Variants in PRKACB observed in about 807,000 individuals in gnomAD.
The protein encoded by PRKACB is cAMP-dependent protein kinase catalytic subunit beta.
Under a neutral mutation model 51.4 loss-of-function variants are expected in PRKACB, and 16 were observed. The ratio of observed to expected loss-of-function variants is 0.31; its 90% CI spans 0.21 to 0.47. The LOEUF is 0.47. Ranked by LOEUF, PRKACB falls within the 20% of genes least tolerant of loss-of-function variation. The probability of loss-of-function intolerance (pLI) is 1.00; values close to 1 mark genes in which losing one functional copy is unlikely to be tolerated. For synonymous variants in PRKACB, 147 were observed against 154.4 expected (o/e 0.95, Z 0.35); for missense variants, 309 against 464.5 (o/e 0.67, Z 3.08).
At chr1:84,234,136 A>G (rs1415890565) in intron 9 of PRKACB, among the ~76,000 whole-genome samples, 3 of 152,198 alleles carry the variant, frequency 2.0e-5, no homozygotes, top group Non-Finnish European at 2.9e-5. Context: ...TCTAACAGAC[A>G]GGACCCTCAG....
At chr1:84,235,033 C>A in intron 9 of PRKACB, 147 bp from the exon 10 acceptor site, 1 of 813,336 alleles carries the variant, frequency 1.2e-6, no homozygotes, top group Non-Finnish European at 1.9e-6. Flanking sequence ...CTTGCTGCTT[C>A]TTCTAGCACT....
At chr1:84,117,891 A>G (rs1650759869) in intron 1 of PRKACB, among the ~76,000 whole-genome samples, 1 of 151,858 alleles carries the variant, frequency 6.6e-6, no homozygotes, top group South Asian at 2.1e-4. Context: ...TTAATTTGTA[A>G]TCTTTCTACT....
At chr1:84,235,111 C>A in intron 9 of PRKACB, 69 bp from the exon 10 acceptor site, 2 of 1,487,790 alleles carry the variant, frequency 1.3e-6, no homozygotes, top group Non-Finnish European at 1.8e-6. Flanking sequence ...ATTTATTTTT[C>A]TTGGTGTTTG....
chr1:84,158,666 AT>A (rs1655813346), intron 1 of PRKACB, among the ~76,000 whole-genome samples: 2 of 152,028 alleles, frequency 1.3e-5, no homozygotes, highest in Admixed American at 1.3e-4. Context: ...AAAATTTGTA[AT>A]TTTAGTGAAG....
intron 1 of PRKACB, among the ~76,000 whole-genome samples, chr1:84,152,990 A>G (rs997799074): frequency 4.6e-5 from 7 of 152,126 alleles, no homozygotes; most frequent in African/African-American, 1.7e-4. Flanking sequence ...ATTTGAAGTG[A>G]GAGATGTGCA....
chr1:84,141,234 C>T (rs112090437), upstream of PRKACB, among the ~76,000 whole-genome samples: 292 of 151,316 alleles, frequency 1.9e-3, 1 homozygote, highest in African/African-American at 6.6e-3. Context: ...CGGTGCATGG[C>T]GAGACATTTA....
At chr1:84,233,987 G>A (rs879186604) in intron 9 of PRKACB, among the ~76,000 whole-genome samples, 252 of 151,300 alleles carry the variant, frequency 1.7e-3, no homozygotes, top group African/African-American at 5.6e-3. Context: ...GAGGAGAGGC[G>A]CTCTGCTTTT....
At chr1:84,193,532 G>A (rs1255171435) in intron 5 of PRKACB, among the ~76,000 whole-genome samples, 3 of 152,190 alleles carry the variant, frequency 2.0e-5, no homozygotes, top group Non-Finnish European at 4.4e-5. Context: ...AAAAGGAGAA[G>A]TTTTACGTTT....
chr1:84,124,025 TTCTG>T (rs1651328210), intron 1 of PRKACB, among the ~76,000 whole-genome samples: 2 of 152,176 alleles, frequency 1.3e-5, no homozygotes, highest in Non-Finnish European at 2.9e-5. Context: ...GGGCCTTTAT[TTCTG>T]TCTGTGACTC....
intron 9 of PRKACB, among the ~76,000 whole-genome samples, chr1:84,224,109 A>T (rs1467185992): frequency 6.6e-6 from 1 of 152,102 alleles, no homozygotes; most frequent in Non-Finnish European, 1.5e-5. Flanking sequence ...GGTGTCTGCG[A>T]TTTCCTCAGT....
chr1:84,172,523 T>G (rs1659853227), intron 1 of PRKACB, among the ~76,000 whole-genome samples: 1 of 151,684 alleles, frequency 6.6e-6, no homozygotes, highest in Non-Finnish European at 1.5e-5. Flanking sequence ...AGAGAAGGCA[T>G]GTACATATGA....
At chr1:84,225,626 G>A (rs1337633755) in intron 9 of PRKACB, among the ~76,000 whole-genome samples, 1 of 152,104 alleles carries the variant, frequency 6.6e-6, no homozygotes, top group Non-Finnish European at 1.5e-5. Flanking sequence ...CTGGGGGTGG[G>A]TGTGGGACCT....
chr1:84,228,584 A>C (rs1304125076), intron 9 of PRKACB, among the ~76,000 whole-genome samples: 2 of 151,614 alleles, frequency 1.3e-5, no homozygotes, highest in Non-Finnish European at 2.9e-5. Flanking sequence ...ATCTTTATAG[A>C]AGACCATATT....
chr1:84,128,007 CTTTTTTTTTT>C (rs10537848), intron 1 of PRKACB, among the ~76,000 whole-genome samples: 23 of 105,406 alleles, frequency 2.2e-4, no homozygotes, highest in African/African-American at 7.7e-4. Context: ...CTTTTTTTTT[CTTTTTTTTTT>C]TTTTTTTTGA....
At chr1:84,165,940 T>C (rs1481979968) in intron 1 of PRKACB, among the ~76,000 whole-genome samples, 1 of 151,702 alleles carries the variant, frequency 6.6e-6, no homozygotes, top group African/African-American at 2.4e-5. Context: ...AGATTTGGAA[T>C]TGGAATTTAG....
At chr1:84,113,620 A>C (rs1650404350) in intron 1 of PRKACB, among the ~76,000 whole-genome samples, 1 of 152,190 alleles carries the variant, frequency 6.6e-6, no homozygotes, top group Non-Finnish European at 1.5e-5. Context: ...ACAATTGGTG[A>C]GTAAAGAGAA....
At chr1:84,180,502 T>G (rs1663058782) in intron 2 of PRKACB, among the ~76,000 whole-genome samples, 1 of 151,504 alleles carries the variant, frequency 6.6e-6, no homozygotes. Flanking sequence ...CACCAAAATT[T>G]CACAAATCAT....
chr1:84,156,036 T>C (rs1407340734), intron 1 of PRKACB, among the ~76,000 whole-genome samples: 1 of 152,170 alleles, frequency 6.6e-6, no homozygotes, highest in African/African-American at 2.4e-5. Context: ...TTGCCCAGGC[T>C]GGAGAGTAGT....
At chr1:84,124,478 G>A (rs186695752) in intron 1 of PRKACB, among the ~76,000 whole-genome samples, 13 of 152,280 alleles carry the variant, frequency 8.5e-5, no homozygotes, top group Non-Finnish European at 1.6e-4. Flanking sequence ...TATCTGAATG[G>A]TGAAAATTGG....
Sources: allele counts gnomAD v4.1 joint callset (sites outside exome capture counted in the v4.1 genomes callset), GRCh38; gene constraint gnomAD v4.1.1; transcripts MANE v1.5; gene names NCBI Gene and HGNC (gene_info 2026-07-23, HGNC 2026-07-21).